The following NSD3 variants were observed in gnomAD, a reference collection of about 807,000 sequenced individuals.
NSD3 encodes nuclear receptor binding SET domain protein 3.
NSD3 carries 24 observed loss-of-function variants against 160.8 expected under a neutral mutation model. That is an observed-to-expected ratio of 0.15 (90% confidence interval 0.11 to 0.21). The LOEUF (loss-of-function observed/expected upper bound fraction) is 0.21, where lower values mean the gene tolerates loss of function less well. Among genes scored for constraint, NSD3 ranks in the 10% least tolerant of loss-of-function variants. The probability of loss-of-function intolerance (pLI) is 1.00; values close to 1 mark genes in which losing one functional copy is unlikely to be tolerated. For missense variants in NSD3, 1,157 were observed against 1,735.9 expected, an observed-to-expected ratio of 0.67 and a Z score of 5.93; for synonymous variants, 520 against 600.0, an observed-to-expected ratio of 0.87 and a Z score of 1.95.
intron 1 of NSD3, among the ~76,000 whole-genome samples, chr8:38,361,137 G>C (rs1442843283): frequency 6.6e-6 from 1 of 152,062 alleles, no homozygotes; most frequent in East Asian, 1.9e-4. Context: ...GGGATTACAG[G>C]CACGCGCCAC....
At chr8:38,366,756 G>A (rs1280438038) in intron 1 of NSD3, among the ~76,000 whole-genome samples, 1 of 151,884 alleles carries the variant, frequency 6.6e-6, no homozygotes, top group East Asian at 1.9e-4. Context: ...AGCTAATTCT[G>A]GGCTAACCAC....
chr8:38,275,563 C>T lies in NSD3; in HGVS notation c.*78G>A, dbSNP rs2130978484. On this transcript the variant is annotated 3_prime_UTR_variant, in exon 24 of 24. Transcript: ENST00000317025. ...GTTCCGATGGCAAAGGCTGTATGCA[C>T]TGTAGCAGTCTCTTCTTTTTAAATG... 1 of 1,386,348 alleles carries T rather than the reference C, an allele frequency of 7.2e-7. No homozygotes were observed. Among genetic ancestry groups the T allele is most frequent in the East Asian group, 2.5e-5 (1 of 40,796 alleles). The allele number at this position is 1,386,348 out of a possible 1,614,324, so 85.9% of individuals were successfully genotyped here.
chr8:38,307,128 ATAAAAT>A (rs1259024272), intron 12 of NSD3, among the ~76,000 whole-genome samples: 3 of 142,674 alleles, frequency 2.1e-5, no homozygotes, highest in Admixed American at 7.1e-5. Flanking sequence ...AAAAAAAAAA[ATAAAAT>A]AAAATAAATA....
chr8:38,346,605 A>G (rs1810543217), intron 2 of NSD3, among the ~76,000 whole-genome samples: 4 of 151,968 alleles, frequency 2.6e-5, no homozygotes, highest in Admixed American at 2.6e-4. Flanking sequence ...ATAAAAAGTG[A>G]GAAAACATGT....
rs1809801931 is a variant in NSD3, at chr8:38,321,913, T to C, written c.1709-741A>G. Among the ~76,000 whole-genome samples, 1 of 152,214 alleles carries C rather than the reference T, an allele frequency of 6.6e-6. No homozygotes were observed. The highest frequency in any genetic ancestry group is 2.1e-4 in the South Asian group (1 of 4,836). Reference sequence around the variant, plus strand: ...AAGAAAACTCACATGGACCCCATTTTTGGAAAGGATAAAACTGAAATTGAA... The same window carrying C: ...AAGAAAACTCACATGGACCCCATTTCTGGAAAGGATAAAACTGAAATTGAA... On this transcript the variant is annotated intron_variant, in intron 7 of 23. Coordinates refer to ENST00000317025, the MANE Select transcript of NSD3 (RefSeq NM_023034.2). This position sits in a 1 kb window ranked among gnomAD's most constrained non-coding sequence, Gnocchi z 4.7.
rs1397140180 is a variant in NSD3 at position 38,274,822 on chromosome 8, T to C, written c.*819A>G. 1 of 173,380 alleles carries C rather than the reference T, an allele frequency of 5.8e-6. No individual in the cohort carries two copies. The highest frequency in any genetic ancestry group is 1.2e-5 in the Non-Finnish European group (1 of 80,148). 10.7% of individuals were successfully genotyped at this position (173,380 alleles called of 1,614,324 possible). The stretch of plus-strand genomic sequence containing the variant: ...GGAAAATAGGAGTGACCATTCCAAC[T>C]ATGCTTCATATCCACAGAAACGCAC... On this transcript the variant is annotated 3_prime_UTR_variant, in exon 24 of 24. Transcript: ENST00000317025.
intron 2 of NSD3, 81 bp from the exon 3 acceptor site, chr8:38,338,688 G>A (rs776743415): frequency 9.0e-7 from 1 of 1,112,798 alleles, no homozygotes; most frequent in African/African-American, 1.6e-5. Flanking sequence ...TACATAAAAA[G>A]AATCAAAGAA....
chr8:38,339,457 C>T (rs1033401480), intron 2 of NSD3, among the ~76,000 whole-genome samples: 2 of 151,808 alleles, frequency 1.3e-5, no homozygotes, highest in Admixed American at 6.6e-5. Context: ...CTGGGCATGG[C>T]GGCTCACGCC....
Position 38,305,314 on chromosome 8 carries a change from A to C in NSD3, c.2374T>G (p.Phe792Val), listed in dbSNP as rs1398680763. The part of the protein sequence containing the change: ...FPTAIFESKG[F>V]RCPQHCCSAC... ...GAGCAGCAGTGCTGAGGACAGCGGA[A>C]TCCTTTTGATTCAAAGATGGCAGTG... Residue 792 changes from phenylalanine to valine, a missense_variant, in exon 13 of 24, where the codon TTC becomes GTC. This residue lies in a region of NSD3 where 437 missense variants were observed against 576.6 expected (regional missense o/e 0.76). Transcript: ENST00000317025. 6.2e-7 allele frequency: 1 copy of C among 1,614,216 alleles called. No homozygotes were observed. The highest frequency in any genetic ancestry group is 1.7e-5 in the Admixed American group (1 of 60,030).
At chr8:38,351,557 G>T (rs996228217) in intron 1 of NSD3, among the ~76,000 whole-genome samples, 11 of 151,702 alleles carry the variant, frequency 7.3e-5, no homozygotes, top group African/African-American at 2.2e-4. Flanking sequence ...CAGCTACTTG[G>T]GAGGCTGAGG....
chr8:38,377,870 T>C (rs1400823333), intron 1 of NSD3, among the ~76,000 whole-genome samples: 1 of 151,920 alleles, frequency 6.6e-6, no homozygotes, highest in Non-Finnish European at 1.5e-5. Flanking sequence ...AGGTGAAGTC[T>C]GCAGTGAGCC....
intron 1 of NSD3, 43 bp from the exon 2 acceptor site, chr8:38,348,258 A>C: frequency 6.9e-7 from 1 of 1,441,828 alleles, no homozygotes; most frequent in Non-Finnish European, 9.3e-7. Context: ...TACTATTCTC[A>C]TAGGCTAGAG....
intron 2 of NSD3, among the ~76,000 whole-genome samples, chr8:38,343,306 A>G (rs1248256173): frequency 6.6e-6 from 1 of 152,210 alleles, no homozygotes; most frequent in African/African-American, 2.4e-5. Flanking sequence ...TAAAAGAACA[A>G]AAAACTGATG....
intron 1 of NSD3, among the ~76,000 whole-genome samples, chr8:38,358,959 G>A (rs767545077): frequency 2.0e-5 from 3 of 151,904 alleles, no homozygotes; most frequent in Non-Finnish European, 4.4e-5. Flanking sequence ...TTCAGTATAT[G>A]GGTTTGGTAG....
At chr8:38,325,652 G>T (rs187224976) in intron 7 of NSD3, among the ~76,000 whole-genome samples, 1 of 146,316 alleles carries the variant, frequency 6.8e-6, no homozygotes, top group South Asian at 2.2e-4. Flanking sequence ...CAGGTAGATC[G>T]CTTGAATCCA....
At position 38,278,432 on chromosome 8, in the gene NSD3, A is replaced by G. The variant is rs767012991; in HGVS notation, c.3761-20T>C. The stretch of plus-strand genomic sequence containing the variant: ...CCATCCCTGAAACACAGGAGAAATA[A>G]TTATTCAAACTCGAGTCATGGGGAA... On this transcript the variant is annotated intron_variant, in intron 21 of 23. Coordinates refer to ENST00000317025, the MANE Select transcript of NSD3 (RefSeq NM_023034.2). The G allele has an allele frequency of 6.3e-7, 1 of 1,592,836 alleles. No individual in the cohort carries two copies. Among genetic ancestry groups the G allele is most frequent in the South Asian group, 1.1e-5 (1 of 88,546 alleles).
rs924659978 is a variant in NSD3 at position 38,273,526 on chromosome 8, G to A, written c.*2115C>T. On this transcript the variant is annotated 3_prime_UTR_variant, in exon 24 of 24. Coordinates refer to ENST00000317025, the MANE Select transcript of NSD3 (RefSeq NM_023034.2). ...ATAGCACTAAGTCTAAAAGCAAGGA[G>A]ATAAGATTTCATGTTGGATACTGTT... 4.6e-5 allele frequency: 7 copies of A among 152,116 alleles called. No homozygotes were observed. Among genetic ancestry groups the A allele is most frequent in the African/African-American group, 1.7e-4 (7 of 41,402 alleles). The allele number at this position is 152,116 out of a possible 1,614,324, so 9.4% of individuals were successfully genotyped here.
At chr8:38,277,989 A>G (rs969674811) in intron 22 of NSD3, among the ~76,000 whole-genome samples, 15 of 147,890 alleles carry the variant, frequency 1.0e-4, no homozygotes, top group Non-Finnish European at 2.1e-4. Flanking sequence ...CCCAGGCTGG[A>G]GTGCAGTGGT....
chr8:38,284,598 G>T (rs1230742837), intron 19 of NSD3, among the ~76,000 whole-genome samples: 1 of 152,156 alleles, frequency 6.6e-6, no homozygotes, highest in Non-Finnish European at 1.5e-5. Flanking sequence ...TGTTGGTCAG[G>T]CTGGTCTCGA....
Sources: gnomAD v4.1 joint callset for allele counts (sites outside exome capture counted in the v4.1 genomes callset) on GRCh38, gnomAD v4.1.1 for gene constraint, gnomAD v4.1.1 regional missense constraint, Gnocchi (gnomAD v3.1) non-coding constraint, MANE v1.5 for transcripts, NCBI Gene and HGNC (gene_info 2026-07-23, HGNC 2026-07-21) for gene names.